VSNL1: variants seen among roughly 807,000 people sequenced by gnomAD.
The protein encoded by VSNL1 is visinin like 1.
Under a neutral mutation model 20.4 loss-of-function variants are expected in VSNL1, and 6 were observed. That is an observed-to-expected ratio of 0.29 (90% CI 0.16 to 0.58). The LOEUF (loss-of-function observed/expected upper bound fraction) is 0.58. Ranked by LOEUF, VSNL1 falls within the 20% of genes least tolerant of loss-of-function variation. The pLI, the probability that VSNL1 is intolerant of heterozygous loss-of-function variation, is 0.90. For missense variants in VSNL1, 100 were observed against 234.5 expected (o/e 0.43, Z 3.75); for synonymous variants, 93 against 86.4 (o/e 1.08, Z -0.42).
chr2:17,595,341 C>T (rs761168865), intron 2 of VSNL1, among the ~76,000 whole-genome samples: 4 of 152,082 alleles, frequency 2.6e-5, no homozygotes, highest in Non-Finnish European at 2.9e-5. Flanking sequence ...CCTGCCCTCC[C>T]GAATTTCACA....
At chr2:17,615,796 CT>C (rs948672832) in intron 2 of VSNL1, among the ~76,000 whole-genome samples, 4 of 152,158 alleles carry the variant, frequency 2.6e-5, no homozygotes, top group African/African-American at 9.7e-5. Context: ...TGCATCAGTC[CT>C]TTTTAATCAG....
chr2:17,646,516 C>A (rs1459726042), intron 2 of VSNL1, among the ~76,000 whole-genome samples: 2 of 152,184 alleles, frequency 1.3e-5, no homozygotes, highest in Non-Finnish European at 2.9e-5. Flanking sequence ...TCCTCATCCA[C>A]AAAATGGAAA....
rs866428961 is a variant in VSNL1 at position 17,579,869 on chromosome 2, C to T, written c.-5-12201C>T. On this transcript the variant is annotated intron_variant, in intron 1 of 3. Transcript: ENST00000295156. ...TTAGGATTCACAGGTAGATCAAAGACCTTTAGTTCTTAGGCTCATTCTATT... is the reference window on the plus strand; with the variant it reads ...TTAGGATTCACAGGTAGATCAAAGATCTTTAGTTCTTAGGCTCATTCTATT... 2.6e-5 allele frequency among the ~76,000 whole-genome samples: 4 copies of T among 152,258 alleles called. No individual in the cohort carries two copies. In the South Asian group the frequency reaches 8.3e-4, roughly 32 times the overall value.
At chr2:17,629,392 A>G (rs1665582232) in intron 2 of VSNL1, among the ~76,000 whole-genome samples, 1 of 152,236 alleles carries the variant, frequency 6.6e-6, no homozygotes, top group African/African-American at 2.4e-5. Flanking sequence ...AGGTGCCCCC[A>G]TATCAGCAGT....
intron 1 of VSNL1, among the ~76,000 whole-genome samples, chr2:17,551,735 C>T (rs1663541040): frequency 6.6e-6 from 1 of 152,004 alleles, no homozygotes; most frequent in Non-Finnish European, 1.5e-5. Flanking sequence ...CAGTAGAAGA[C>T]CATGTACTTA....
intron 2 of VSNL1, among the ~76,000 whole-genome samples, chr2:17,595,752 A>G (rs182827204): frequency 2.6e-5 from 4 of 152,236 alleles, no homozygotes; most frequent in African/African-American, 9.6e-5. Flanking sequence ...GGACACAGAG[A>G]CATACATAGG....
chr2:17,597,021 G>A (rs13006917), intron 2 of VSNL1, among the ~76,000 whole-genome samples: 36,587 of 152,168 alleles, frequency 0.24, 5,746 homozygotes, highest in Middle Eastern at 0.48. Flanking sequence ...GGCCACGTAC[G>A]ATGGCAGCAC....
At position 17,649,731 on chromosome 2, in the gene VSNL1, G is replaced by A; in HGVS notation, c.378+106G>A. On this transcript the variant is annotated intron_variant, in intron 3 of 3. Transcript: ENST00000295156. This position sits in a 1 kb window ranked among gnomAD's most constrained non-coding sequence, Gnocchi z 6.4. ...CTTCTTCTCTCTCTGCTCGAGCCCT[G>A]CCAGCTGCACACCACGCCTGGACTT... 1.9e-6 allele frequency: 2 copies of A among 1,066,824 alleles called. No homozygotes were observed. Among genetic ancestry groups the A allele is most frequent in the Non-Finnish European group, 2.8e-6 (2 of 723,806 alleles). The allele number at this position is 1,066,824 out of a possible 1,614,324, so 66.1% of individuals were successfully genotyped here.
At chr2:17,546,556 C>T (rs1663410435) in intron 1 of VSNL1, among the ~76,000 whole-genome samples, 1 of 151,802 alleles carries the variant, frequency 6.6e-6, no homozygotes, top group Non-Finnish European at 1.5e-5. Flanking sequence ...AAATAGTAAA[C>T]GCTGGTGTTA....
At chr2:17,599,348 C>A (rs1243911474) in intron 2 of VSNL1, among the ~76,000 whole-genome samples, 4 of 152,162 alleles carry the variant, frequency 2.6e-5, no homozygotes, top group African/African-American at 9.7e-5. Context: ...TAAAAAATCT[C>A]ATTGACTAAG....
In VSNL1 at chr2:17,655,455, TCACACACA is replaced by T. The variant is rs3064980; in HGVS notation, c.*100_*107del. 7,881 of 535,982 alleles carry T rather than the reference TCACACACA, an allele frequency of 0.015. 48 individuals carry two copies. Among genetic ancestry groups the T allele is most frequent in the South Asian group, 0.037 (1,379 of 37,530 alleles). 33.2% of individuals were successfully genotyped at this position (535,982 alleles called of 1,614,324 possible). On this transcript the variant is annotated 3_prime_UTR_variant, in exon 4 of 4. Transcript: ENST00000295156. The surrounding 1 kb of genome is among the most constrained non-coding windows in gnomAD (Gnocchi z 5.2). ...AATGTTCCATTCAGTCTGCAGCTAT[TCACACACA>T]CACACACACACACACACACACACAC...
intron 2 of VSNL1, among the ~76,000 whole-genome samples, chr2:17,618,252 C>T (rs560800895): frequency 1.1e-4 from 17 of 152,308 alleles, no homozygotes; most frequent in Non-Finnish European, 2.4e-4. Context: ...AAATCTGAAA[C>T]AGATTTCATT....
At chr2:17,577,677 C>T (rs1664249225) in intron 1 of VSNL1, among the ~76,000 whole-genome samples, 1 of 152,168 alleles carries the variant, frequency 6.6e-6, no homozygotes, top group African/African-American at 2.4e-5. Flanking sequence ...GCCCTGGGGA[C>T]CAGGGGCAGG....
chr2:17,617,339 T>C (rs1283170826), intron 2 of VSNL1, among the ~76,000 whole-genome samples: 1 of 151,998 alleles, frequency 6.6e-6, no homozygotes, highest in Admixed American at 6.6e-5. Flanking sequence ...TACTAAAAAA[T>C]ACAAAAATTA....
chr2:17,645,482 G>C (rs1316760326), intron 2 of VSNL1, among the ~76,000 whole-genome samples: 1 of 152,212 alleles, frequency 6.6e-6, no homozygotes, highest in Non-Finnish European at 1.5e-5. Flanking sequence ...GGCTGGGATA[G>C]GGGTGCAGAG....
At chr2:17,644,292 G>C (rs1245522829) in intron 2 of VSNL1, among the ~76,000 whole-genome samples, 5 of 152,204 alleles carry the variant, frequency 3.3e-5, no homozygotes, top group African/African-American at 1.2e-4. Context: ...AGGTCTGCTG[G>C]AAAGGCCCGA....
chr2:17,568,577 T>C (rs1306570476), intron 1 of VSNL1, among the ~76,000 whole-genome samples: 1 of 152,186 alleles, frequency 6.6e-6, no homozygotes, highest in East Asian at 1.9e-4. Context: ...ACAACCCCCA[T>C]CATTCATGTC....
At chr2:17,624,822 T>C (rs773865233) in intron 2 of VSNL1, among the ~76,000 whole-genome samples, 4 of 152,252 alleles carry the variant, frequency 2.6e-5, no homozygotes, top group Non-Finnish European at 5.9e-5. Flanking sequence ...AATGTATTGC[T>C]TTAAACCAAA....
chr2:17,624,146 G>C (rs1023048529), intron 2 of VSNL1, among the ~76,000 whole-genome samples: 1 of 152,202 alleles, frequency 6.6e-6, no homozygotes, highest in South Asian at 2.1e-4. Flanking sequence ...ACAGAGCACA[G>C]TCTCCTACAC....
Sources: gnomAD v4.1 joint callset for allele counts (sites outside exome capture counted in the v4.1 genomes callset) on GRCh38, gnomAD v4.1.1 for gene constraint, Gnocchi (gnomAD v3.1) non-coding constraint, MANE v1.5 for transcripts, NCBI Gene and HGNC (gene_info 2026-07-23, HGNC 2026-07-21) for gene names.